ATG7: variants seen among roughly 807,000 people sequenced by gnomAD.
ATG7 encodes the protein ubiquitin-like modifier-activating enzyme ATG7.
A neutral mutation model predicts 82.4 loss-of-function variants in ATG7; 70 were observed. The ratio of observed to expected loss-of-function variants is 0.85; its 90% CI spans 0.70 to 1.04. The LOEUF (loss-of-function observed/expected upper bound fraction) is 1.04, where lower values mean the gene tolerates loss of function less well. ATG7 is among the 50% of genes least tolerant of loss of function. ATG7 has a pLI of 0.00. For missense variants in ATG7, 792 were observed against 864.3 expected (o/e 0.92, Z 1.05); for synonymous variants, 287 against 313.0 (o/e 0.92, Z 0.88).
intron 12 of ATG7, among the ~76,000 whole-genome samples, chr3:11,341,488 C>T (rs1177434896): frequency 1.3e-5 from 2 of 150,152 alleles, no homozygotes; most frequent in African/African-American, 2.5e-5. Context: ...ACTCCTGTTG[C>T]CCAAGCTGGA....
At chr3:11,574,783 ATATGTGTGTGTGTGTGTG>A in the ATG7 span, among the ~76,000 whole-genome samples, 211 of 111,854 alleles carry the variant, frequency 1.9e-3, no homozygotes, top group African/African-American at 6.1e-3. Flanking sequence ...ATTCAACTAT[ATATGTGTGTGTGTGTGTG>A]TGTGTGTGTG....
intron 20 of ATG7, among the ~76,000 whole-genome samples, chr3:11,485,135 G>A (rs1231344425): frequency 6.6e-6 from 1 of 152,200 alleles, no homozygotes; most frequent in African/African-American, 2.4e-5. Flanking sequence ...TTCCACAAGG[G>A]TTGAACTAGT....
intron 9 of ATG7, among the ~76,000 whole-genome samples, chr3:11,319,331 A>T (rs1427258757): frequency 6.6e-6 from 1 of 152,134 alleles, no homozygotes; most frequent in Non-Finnish European, 1.5e-5. Context: ...CATTCTTTTC[A>T]GTATGAAATC....
chr3:11,301,584 T>G (rs1457845990), intron 5 of ATG7, among the ~76,000 whole-genome samples: 1 of 152,234 alleles, frequency 6.6e-6, no homozygotes. Context: ...TGTTTCTTGT[T>G]CCCTTTGGAG....
chr3:11,380,756 GA>G (rs1440798179), intron 19 of ATG7, among the ~76,000 whole-genome samples: 1 of 152,132 alleles, frequency 6.6e-6, no homozygotes, highest in Non-Finnish European at 1.5e-5. Flanking sequence ...CATGATTGCT[GA>G]TAAGTAAAGA....
rs529720975 is a variant in ATG7 at position 11,371,048 on chromosome 3, A to G, written c.1875+6314A>G. Among the ~76,000 whole-genome samples, 11 of 151,178 alleles carry G rather than the reference A, an allele frequency of 7.3e-5. 1 individual carries two copies. Among genetic ancestry groups the G allele is most frequent in the South Asian group, 6.3e-4 (3 of 4,760 alleles). ...TTCCTATTTGGAGATCTGTGCCACA[A>G]GATGGTAGTGAGGCCAAAATGAGAT... On this transcript the variant is annotated intron_variant, in intron 18 of 20. Coordinates refer to ENST00000693202, the MANE Select transcript of ATG7 (RefSeq NM_001349232.2).
chr3:11,362,351 G>A (rs907103717), intron 16 of ATG7, among the ~76,000 whole-genome samples: 2 of 152,228 alleles, frequency 1.3e-5, no homozygotes, highest in African/African-American at 2.4e-5. Flanking sequence ...ACTGAGGGCC[G>A]CAGGAATAGT....
intron 13 of ATG7, among the ~76,000 whole-genome samples, chr3:11,344,481 T>C (rs1192005736): frequency 1.3e-5 from 2 of 152,262 alleles, no homozygotes; most frequent in Non-Finnish European, 2.9e-5. Flanking sequence ...AGTATTCTAA[T>C]GTTGAGCATT....
At chr3:11,424,264 A>C (rs1055966204) in intron 19 of ATG7, among the ~76,000 whole-genome samples, 1 of 152,206 alleles carries the variant, frequency 6.6e-6, no homozygotes, top group Non-Finnish European at 1.5e-5. Flanking sequence ...TAAAGATTTT[A>C]GTATTTTTAT....
At chr3:11,488,365 G>A (rs1427413726) in intron 20 of ATG7, 130 of 929,302 alleles carry the variant, frequency 1.4e-4, no homozygotes, top group Admixed American at 7.2e-4. Flanking sequence ...GGCGGCACTC[G>A]CCGGCGCGGC....
chr3:11,565,272 G>A, the ATG7 span, among the ~76,000 whole-genome samples: 3 of 152,054 alleles, frequency 2.0e-5, no homozygotes, highest in African/African-American at 7.3e-5. The surrounding 1 kb of genome is among the most constrained non-coding windows in gnomAD (Gnocchi z 4.1). Context: ...ACTCAGTGGC[G>A]TCCTCTGCCT....
chr3:11,375,801 G>A (rs963681636), intron 18 of ATG7, among the ~76,000 whole-genome samples: 10 of 152,118 alleles, frequency 6.6e-5, no homozygotes, highest in Admixed American at 2.0e-4. Context: ...CTTGTGATCC[G>A]GCCGCCTCAG....
chr3:11,506,906 A>G (rs961158510), intron 20 of ATG7, among the ~76,000 whole-genome samples: 2 of 152,152 alleles, frequency 1.3e-5, no homozygotes, highest in African/African-American at 4.8e-5. Flanking sequence ...CTAGGTAAGG[A>G]TTCATAGCAT....
At chr3:11,280,383 A>T (rs1370519286) in intron 1 of ATG7, among the ~76,000 whole-genome samples, 1 of 152,212 alleles carries the variant, frequency 6.6e-6, no homozygotes, top group Non-Finnish European at 1.5e-5. Context: ...TCCCCATCTA[A>T]CAGAAGAGGA....
chr3:11,480,314 C>A (rs777332478), intron 20 of ATG7, among the ~76,000 whole-genome samples: 1 of 151,966 alleles, frequency 6.6e-6, no homozygotes, highest in African/African-American at 2.4e-5. Context: ...GTGGGAAGAT[C>A]GCTTGAGGCC....
chr3:11,303,236 C>G (rs1015070537), intron 5 of ATG7, among the ~76,000 whole-genome samples: 5 of 152,172 alleles, frequency 3.3e-5, no homozygotes, highest in East Asian at 1.9e-4. Flanking sequence ...GAGGAGAACT[C>G]GTGGCCTCAC....
chr3:11,405,782 C>G (rs2080270512), intron 19 of ATG7, among the ~76,000 whole-genome samples: 1 of 151,956 alleles, frequency 6.6e-6, no homozygotes, highest in Non-Finnish European at 1.5e-5. Flanking sequence ...TGCATGTCAC[C>G]ACGCCTGGAT....
Position 11,286,112 on chromosome 3 carries a change from G to A in ATG7, c.-11+3674G>A, listed in dbSNP as rs189315385. 3.9e-5 allele frequency among the ~76,000 whole-genome samples: 6 copies of A among 152,362 alleles called. No homozygotes were observed. The East Asian group carries it at 9.6e-4, about 24-fold the overall frequency. ...TTTTCATCCAAACACCACAGATGCT[G>A]TGTTCTTTCCATGGCATTCTATCAG... On this transcript the variant is annotated intron_variant, in intron 3 of 20. Coordinates refer to ENST00000693202, the MANE Select transcript of ATG7 (RefSeq NM_001349232.2).
At chr3:11,380,984 C>T (rs951166940) in intron 19 of ATG7, among the ~76,000 whole-genome samples, 1 of 152,150 alleles carries the variant, frequency 6.6e-6, no homozygotes, top group African/African-American at 2.4e-5. Flanking sequence ...ACAATCCTGA[C>T]CAGTTTCTCT....
Sources: gnomAD v4.1 joint callset for allele counts (sites outside exome capture counted in the v4.1 genomes callset) on GRCh38, gnomAD v4.1.1 for gene constraint, Gnocchi (gnomAD v3.1) non-coding constraint, MANE v1.5 for transcripts, NCBI Gene and HGNC (gene_info 2026-07-23, HGNC 2026-07-21) for gene names.